ANTXR1: variants seen among roughly 807,000 people sequenced by gnomAD.
ANTXR1 encodes the protein anthrax toxin receptor 1.
In ANTXR1, 19 loss-of-function variants were observed where a neutral mutation model predicts 78.1. The observed-to-expected ratio is 0.24, with a 90% CI of 0.17 to 0.36. The LOEUF is 0.36. ANTXR1 is among the 10% of genes least tolerant of loss of function. The pLI is 1.00. For synonymous variants in ANTXR1, 273 were observed against 260.5 expected (o/e 1.05, Z -0.46); for missense variants, 518 against 718.6 (o/e 0.72, Z 3.19).
At chr2:69,033,384 G>A (rs1671586541) in intron 1 of ANTXR1, among the ~76,000 whole-genome samples, 1 of 152,232 alleles carries the variant, frequency 6.6e-6, no homozygotes, top group Non-Finnish European at 1.5e-5. Flanking sequence ...AAGGCTAGGA[G>A]GAAGCAGAGG....
intron 17 of ANTXR1, among the ~76,000 whole-genome samples, chr2:69,211,014 A>T (rs1226545156): frequency 3.3e-5 from 5 of 152,080 alleles, no homozygotes; most frequent in Non-Finnish European, 7.4e-5. Flanking sequence ...AAGATAAAGA[A>T]GAGAGAGATC....
In ANTXR1 at chr2:69,152,589, T is replaced by C. The variant is rs1673428746; in HGVS notation, c.1047+325T>C. Among the ~76,000 whole-genome samples, 3 of 152,196 alleles carry C rather than the reference T, an allele frequency of 2.0e-5. No homozygotes were observed. In the South Asian group the frequency reaches 6.2e-4, roughly 31 times the overall value. On this transcript the variant is annotated intron_variant, in intron 13 of 17. Coordinates refer to ENST00000303714, the MANE Select transcript of ANTXR1 (RefSeq NM_032208.3). ...TGTTATTCGACATGTAATGAACATATATGCCTCTGTGTACGGTACACACAC... is the reference window on the plus strand; with the variant it reads ...TGTTATTCGACATGTAATGAACATACATGCCTCTGTGTACGGTACACACAC...
intron 10 of ANTXR1, among the ~76,000 whole-genome samples, chr2:69,110,297 T>C (rs893089749): frequency 1.3e-5 from 2 of 152,168 alleles, no homozygotes; most frequent in Non-Finnish European, 2.9e-5. Flanking sequence ...AGAAGGTGAC[T>C]GGGAATGTTT....
intron 1 of ANTXR1, among the ~76,000 whole-genome samples, chr2:69,036,682 A>G (rs2104054317): frequency 6.6e-6 from 1 of 152,186 alleles, no homozygotes; most frequent in Middle Eastern, 3.4e-3. Context: ...ACAGCATTGC[A>G]TTTCAGAAGT....
At chr2:69,095,947 A>G (rs774471183) in intron 9 of ANTXR1, among the ~76,000 whole-genome samples, 16 of 152,166 alleles carry the variant, frequency 1.1e-4, no homozygotes, top group Admixed American at 2.0e-4. Flanking sequence ...TGGAGAGAAT[A>G]TGTAATCTGC....
chr2:69,029,317 TATATAG>T (rs59567035), intron 1 of ANTXR1, among the ~76,000 whole-genome samples: 3,679 of 148,970 alleles, frequency 0.025, 143 homozygotes, highest in African/African-American at 0.085. Flanking sequence ...ATATTAGATA[TATATAG>T]ATATAGATAT....
At chr2:69,126,590 T>C (rs575183981) in intron 12 of ANTXR1, among the ~76,000 whole-genome samples, 3 of 152,150 alleles carry the variant, frequency 2.0e-5, no homozygotes, top group Non-Finnish European at 2.9e-5. Flanking sequence ...TTTCTCATTA[T>C]GTCTGACCAT....
chr2:69,161,591 C>T (rs1673684032), intron 13 of ANTXR1, among the ~76,000 whole-genome samples: 1 of 152,186 alleles, frequency 6.6e-6, no homozygotes, highest in Admixed American at 6.5e-5. Context: ...TGGAAAGATT[C>T]CTTTATCCTC....
chr2:69,090,879 C>G lies in ANTXR1; in HGVS notation c.663C>G (p.Ile221Met). ...IIHSILKKSCIEILAAEPSTI... is the reference protein window; with the variant it reads ...IIHSILKKSCMEILAAEPSTI... ...CCTAGATTTTGAAGAAGTCCTGCAT[C>G]GAAATTCTAGCAGCTGAACCATCCA... Residue 221 changes from isoleucine (I) to methionine (M), a missense_variant, in exon 9 of 18, where the codon ATC becomes ATG. Coordinates refer to ENST00000303714, the MANE Select transcript of ANTXR1 (RefSeq NM_032208.3). The G allele has an allele frequency of 6.2e-7, 1 of 1,613,140 alleles. No homozygotes were observed. Among genetic ancestry groups the G allele is most frequent in the South Asian group, 1.1e-5 (1 of 91,082 alleles).
chr2:69,181,788 A>G lies in ANTXR1; in HGVS notation c.1092A>G (p.Glu364=). 1 of 1,614,070 alleles carries G rather than the reference A, an allele frequency of 6.2e-7. No individual in the cohort carries two copies. The highest frequency in any genetic ancestry group is 1.1e-5 in the South Asian group (1 of 91,068). ...CATGTGCCACAATTTCTCTGCAGGA[A>G]GAAGATGATGATGGTCTGCCTAAGA... The part of the protein sequence containing the change: ...VPPPPAEESE[E]EDDDGLPKKK... The change falls in exon 15 of 18, where the codon GAA becomes GAG. Residue 364 remains glutamate (E), a splice_region_variant and synonymous_variant. Coordinates refer to ENST00000303714, the MANE Select transcript of ANTXR1 (RefSeq NM_032208.3).
Position 69,111,663 on chromosome 2 carries a change from T to C in ANTXR1, c.802+8723T>C, listed in dbSNP as rs115152686. On this transcript the variant is annotated intron_variant, in intron 10 of 17. Coordinates refer to ENST00000303714, the MANE Select transcript of ANTXR1 (RefSeq NM_032208.3). ...CACACTCTCAAAGGATAAAGCTTTG[T>C]CCCATTTGAACATATTTCCCCAAAC... Among the ~76,000 whole-genome samples, 229 of 152,346 alleles carry C rather than the reference T, an allele frequency of 1.5e-3. 1 individual carries two copies. Among genetic ancestry groups the C allele is most frequent in the African/African-American group, 5.3e-3 (219 of 41,576 alleles).
chr2:69,087,047 C>T (rs1423500525), intron 8 of ANTXR1, among the ~76,000 whole-genome samples: 5 of 152,156 alleles, frequency 3.3e-5, no homozygotes, highest in Admixed American at 3.3e-4. Context: ...CATCATACAG[C>T]CCCTTGAAGT....
At chr2:69,058,942 A>G (rs917744195) in intron 3 of ANTXR1, among the ~76,000 whole-genome samples, 1 of 152,224 alleles carries the variant, frequency 6.6e-6, no homozygotes, top group Non-Finnish European at 1.5e-5. Context: ...AAGTAACCAC[A>G]GATGTGGTGG....
At position 69,018,184 on chromosome 2, in the gene ANTXR1, T is replaced by C. The variant is rs1671080933; in HGVS notation, c.152+4533T>C. 1.3e-5 allele frequency among the ~76,000 whole-genome samples: 2 copies of C among 152,072 alleles called. 1 individual carries two copies. Among genetic ancestry groups the C allele is most frequent in the South Asian group, 4.1e-4 (2 of 4,822 alleles). On this transcript the variant is annotated intron_variant, in intron 1 of 17. Coordinates refer to ENST00000303714, the MANE Select transcript of ANTXR1 (RefSeq NM_032208.3). ...TCATTCATTTTCTGCACCTAATAAA[T>C]CCTTATATGTCTAAAGGCCCCCCAC...
chr2:69,185,551 G>GAAAAAAAAAAAAAAAAAAAAAAAAAAA (rs75084788), intron 16 of ANTXR1, among the ~76,000 whole-genome samples: 1 of 89,508 alleles, frequency 1.1e-5, no homozygotes, highest in Non-Finnish European at 2.3e-5. Flanking sequence ...AATAAAAAAA[G>GAAAAAAAAAAAAAAAAAAAAAAAAAAA]AAAAAAAAAA....
chr2:69,032,813 G>A (rs1671567362), intron 1 of ANTXR1, among the ~76,000 whole-genome samples: 1 of 152,084 alleles, frequency 6.6e-6, no homozygotes, highest in Non-Finnish European at 1.5e-5. Flanking sequence ...GTTGAAAGGA[G>A]TGCATATTTT....
At position 69,246,554 on chromosome 2, in the gene ANTXR1, A is replaced by G. The variant is rs1225782732; in HGVS notation, c.*1069A>G. The G allele has an allele frequency of 6.6e-6, 1 of 152,184 alleles. No individual in the cohort carries two copies. Among genetic ancestry groups the G allele is most frequent in the Non-Finnish European group, 1.5e-5 (1 of 68,036 alleles). 9.4% of individuals were successfully genotyped at this position (152,184 alleles called of 1,614,324 possible). On this transcript the variant is annotated 3_prime_UTR_variant, in exon 18 of 18. Coordinates refer to ENST00000303714, the MANE Select transcript of ANTXR1 (RefSeq NM_032208.3). ...AGAGCTGAGAGACAATGGTCCTGAC[A>G]TAATAAGGATCTTTGATTAACCCCC...
At chr2:69,228,391 G>A (rs528064126) in intron 17 of ANTXR1, among the ~76,000 whole-genome samples, 2 of 152,264 alleles carry the variant, frequency 1.3e-5, no homozygotes, top group East Asian at 3.9e-4. Flanking sequence ...TCATGGCTAT[G>A]CTTCTTGATT....
intron 17 of ANTXR1, among the ~76,000 whole-genome samples, chr2:69,198,700 T>C (rs1674711625): frequency 6.6e-6 from 1 of 152,224 alleles, no homozygotes; most frequent in East Asian, 1.9e-4. Context: ...AAGCCTCCCC[T>C]ACTTCAAGAG....
Sources: gnomAD v4.1 joint callset for allele counts (sites outside exome capture counted in the v4.1 genomes callset) on GRCh38, gnomAD v4.1.1 for gene constraint, MANE v1.5 for transcripts, NCBI Gene and HGNC (gene_info 2026-07-23, HGNC 2026-07-21) for gene names.